The following SEMA3E variants were observed in gnomAD, a reference collection of about 807,000 sequenced individuals.
SEMA3E encodes the protein semaphorin 3E, also known as semaphorin-3E.
In SEMA3E, 49 loss-of-function variants were observed where a neutral mutation model predicts 93.6. That is an observed-to-expected ratio of 0.52 (90% CI 0.42 to 0.66). The LOEUF is 0.66. SEMA3E is among the 30% of genes least tolerant of loss of function. The pLI, the probability that SEMA3E is intolerant of heterozygous loss-of-function variation, is 0.00. For missense variants in SEMA3E, 906 were observed against 964.8 expected (o/e 0.94, Z 0.81); for synonymous variants, 363 against 330.7 (o/e 1.10, Z -1.06).
intron 10 of SEMA3E, among the ~76,000 whole-genome samples, chr7:83,400,787 C>G (rs1319410372): frequency 2.6e-5 from 4 of 152,066 alleles, no homozygotes; most frequent in Non-Finnish European, 5.9e-5. Context: ...AAATTATTTT[C>G]TCTGTTTTTG....
intron 1 of SEMA3E, among the ~76,000 whole-genome samples, chr7:83,506,960 A>T (rs2115628399): frequency 6.6e-6 from 1 of 152,372 alleles, no homozygotes. Flanking sequence ...GTTGTGTCAC[A>T]AAATTGAAGA....
In SEMA3E at chr7:83,365,637, T is replaced by C. The variant is rs1186380873; in HGVS notation, c.*1949A>G. ...TAGTTTACAAGTTACACCATTGTTA[T>C]CATCATTAACTACTTGTCTGTGTTA... On this transcript the variant is annotated 3_prime_UTR_variant, in exon 17 of 17. Transcript: ENST00000643230. 1 of 152,210 alleles carries C rather than the reference T, an allele frequency of 6.6e-6. No individual in the cohort carries two copies. Among genetic ancestry groups the C allele is most frequent in the Non-Finnish European group, 1.5e-5 (1 of 68,016 alleles). 9.4% of individuals were successfully genotyped at this position (152,210 alleles called of 1,614,324 possible).
At chr7:83,530,414 T>C (rs2115722661) in intron 1 of SEMA3E, among the ~76,000 whole-genome samples, 1 of 152,222 alleles carries the variant, frequency 6.6e-6, no homozygotes, top group East Asian at 1.9e-4. Flanking sequence ...CTTTTATTAA[T>C]GTTATCATAA....
intron 1 of SEMA3E, among the ~76,000 whole-genome samples, chr7:83,525,467 T>C (rs1791136670): frequency 6.6e-6 from 1 of 152,040 alleles, no homozygotes; most frequent in African/African-American, 2.4e-5. Context: ...TATGTTCTGT[T>C]TTCTCTTTCT....
intron 1 of SEMA3E, among the ~76,000 whole-genome samples, chr7:83,552,344 A>T (rs1469392492): frequency 6.6e-6 from 1 of 152,156 alleles, no homozygotes; most frequent in Non-Finnish European, 1.5e-5. Flanking sequence ...TATGCTGAGG[A>T]TGTACATCAC....
At chr7:83,516,147 C>A (rs1790923079) in intron 1 of SEMA3E, among the ~76,000 whole-genome samples, 1 of 152,194 alleles carries the variant, frequency 6.6e-6, no homozygotes, top group African/African-American at 2.4e-5. Context: ...CATAAATCAA[C>A]CATATAAGTA....
At chr7:83,466,094 A>G (rs1789749389) in intron 4 of SEMA3E, among the ~76,000 whole-genome samples, 1 of 152,172 alleles carries the variant, frequency 6.6e-6, no homozygotes, top group Admixed American at 6.5e-5. Flanking sequence ...CTTGTAAAAT[A>G]TTATATTTTA....
intron 1 of SEMA3E, among the ~76,000 whole-genome samples, chr7:83,640,062 C>A (rs1412983001): frequency 1.3e-5 from 2 of 152,292 alleles, no homozygotes; most frequent in African/African-American, 4.8e-5. Flanking sequence ...AAGCCCCTCT[C>A]CATTCCCATC....
intron 5 of SEMA3E, among the ~76,000 whole-genome samples, chr7:83,417,225 G>A (rs546841657): frequency 3.9e-4 from 60 of 151,930 alleles, no homozygotes; most frequent in African/African-American, 1.4e-3. Context: ...GTTAACATGA[G>A]GTGTTTGCTC....
intron 16 of SEMA3E, among the ~76,000 whole-genome samples, chr7:83,381,768 G>A (rs1231224059): frequency 6.6e-6 from 1 of 151,902 alleles, no homozygotes; most frequent in Admixed American, 6.6e-5. Context: ...CTCAAATGGT[G>A]GCTCACATTT....
intron 4 of SEMA3E, among the ~76,000 whole-genome samples, chr7:83,442,737 G>A (rs555637229): frequency 4.6e-5 from 7 of 151,924 alleles, no homozygotes; most frequent in Non-Finnish European, 1.0e-4. Context: ...GTAGAGTTAC[G>A]TGTTTTCACT....
At chr7:83,435,111 C>G (rs887990862) in intron 4 of SEMA3E, among the ~76,000 whole-genome samples, 1 of 152,144 alleles carries the variant, frequency 6.6e-6, no homozygotes, top group African/African-American at 2.4e-5. Context: ...GTCCATTTAA[C>G]AAACTAAATG....
chr7:83,593,318 G>C (rs1310714734), intron 1 of SEMA3E, among the ~76,000 whole-genome samples: 2 of 127,830 alleles, frequency 1.6e-5, no homozygotes, highest in African/African-American at 3.1e-5. Context: ...GTGTGTGTGT[G>C]TGTGTGTGTG....
intron 1 of SEMA3E, among the ~76,000 whole-genome samples, chr7:83,514,108 C>T (rs1195912511): frequency 6.6e-6 from 1 of 152,136 alleles, no homozygotes; most frequent in East Asian, 1.9e-4. Flanking sequence ...ACTACACTCC[C>T]TTCAGCACCA....
chr7:83,460,013 C>T (rs1424270170), intron 4 of SEMA3E, among the ~76,000 whole-genome samples: 4 of 152,022 alleles, frequency 2.6e-5, no homozygotes, highest in Admixed American at 6.5e-5. Context: ...TATCTCCCTT[C>T]GCTGACTCTC....
chr7:83,470,531 T>G lies in SEMA3E; in HGVS notation c.277-1229A>C, dbSNP rs74664053. Among the ~76,000 whole-genome samples, 945 of 152,296 alleles carry G rather than the reference T, an allele frequency of 6.2e-3. 8 individuals are homozygous for G. The highest frequency in any genetic ancestry group is 0.022 in the African/African-American group (910 of 41,574). On this transcript the variant is annotated intron_variant, in intron 2 of 16. Coordinates refer to ENST00000643230, the MANE Select transcript of SEMA3E (RefSeq NM_012431.3). ...ATATTACTCAATTCATAATTCATTTTCATCAACACTCTTAAAAGGTCCCTC... is the reference window on the plus strand; with the variant it reads ...ATATTACTCAATTCATAATTCATTTGCATCAACACTCTTAAAAGGTCCCTC...
chr7:83,605,402 A>G (rs1315067471), intron 1 of SEMA3E, among the ~76,000 whole-genome samples: 1 of 148,676 alleles, frequency 6.7e-6, no homozygotes, highest in Non-Finnish European at 1.5e-5. Context: ...GCTTTTATTC[A>G]CATGTTTCTT....
chr7:83,380,821 A>G (rs546140073), intron 16 of SEMA3E, among the ~76,000 whole-genome samples: 3 of 152,084 alleles, frequency 2.0e-5, no homozygotes, highest in East Asian at 1.9e-4. Context: ...CAAAACACCA[A>G]TTGCAGACAG....
At chr7:83,452,667 G>A (rs1265547695) in intron 4 of SEMA3E, among the ~76,000 whole-genome samples, 3 of 152,120 alleles carry the variant, frequency 2.0e-5, no homozygotes, top group African/African-American at 7.2e-5. Context: ...ACTAGCACAA[G>A]GAATCCTCTT....
Sources: allele counts gnomAD v4.1 joint callset (sites outside exome capture counted in the v4.1 genomes callset), GRCh38; gene constraint gnomAD v4.1.1; transcripts MANE v1.5; gene names NCBI Gene and HGNC (gene_info 2026-07-23, HGNC 2026-07-21).